The following SGCZ variants were observed in gnomAD, a reference collection of about 807,000 sequenced individuals.
SGCZ encodes zeta-sarcoglycan.
SGCZ carries 40 observed loss-of-function variants against 41.3 expected under a neutral mutation model. The ratio of observed to expected loss-of-function variants is 0.97; its 90% CI spans 0.75 to 1.26. SGCZ has a LOEUF of 1.26. Ranked by LOEUF, SGCZ falls within the 50% of genes most tolerant of loss-of-function variation. SGCZ has a pLI of 0.00. For missense variants in SGCZ, 552 were observed against 369.8 expected, an observed-to-expected ratio of 1.49 and a Z score of -4.04; for synonymous variants, 206 against 137.5, an observed-to-expected ratio of 1.50 and a Z score of -3.49.
intron 1 of SGCZ, among the ~76,000 whole-genome samples, chr8:14,703,244 C>T (rs974952989): frequency 6.6e-6 from 1 of 151,924 alleles, no homozygotes; most frequent in African/African-American, 2.4e-5. Flanking sequence ...TCTTTCTTGA[C>T]TTCATCTCTT....
At chr8:14,215,854 C>T (rs1349515369) in intron 4 of SGCZ, among the ~76,000 whole-genome samples, 1 of 152,180 alleles carries the variant, frequency 6.6e-6, no homozygotes, top group East Asian at 1.9e-4. Flanking sequence ...AAAGAAAATA[C>T]CTTGGCCCAG....
intron 1 of SGCZ, among the ~76,000 whole-genome samples, chr8:14,669,934 A>G (rs1284242662): frequency 6.6e-6 from 1 of 152,176 alleles, no homozygotes; most frequent in African/African-American, 2.4e-5. Context: ...CACTAAATAC[A>G]ATGTCCATGT....
Position 14,829,190 on chromosome 8 carries a change from C to G in SGCZ, c.40-274264G>C, listed in dbSNP as rs1217321346. On this transcript the variant is annotated intron_variant, in intron 1 of 7. Coordinates refer to ENST00000382080, the MANE Select transcript of SGCZ (RefSeq NM_139167.4). ...TTTATTTTTCTTGATCCTCTCCCTG[C>G]TTCCACCCCAACACTCTGATAGGCC... Among the ~76,000 whole-genome samples, 3 of 117,492 alleles carry G rather than the reference C, an allele frequency of 2.6e-5. 1 individual carries two copies. Among genetic ancestry groups the G allele is most frequent in the Non-Finnish European group, 4.9e-5 (3 of 61,054 alleles). 77.1% of individuals were successfully genotyped at this position (117,492 alleles called of 152,430 possible). A position where few individuals can be genotyped will look rare whatever the true frequency, so the allele number is the denominator to read the frequency against.
intron 2 of SGCZ, among the ~76,000 whole-genome samples, chr8:14,493,130 T>C (rs1801889379): frequency 6.6e-6 from 1 of 152,012 alleles, no homozygotes; most frequent in Admixed American, 6.6e-5. Context: ...TTGCTCTGTT[T>C]AAAAACTCCC....
chr8:14,499,274 T>G (rs971556596), intron 2 of SGCZ, among the ~76,000 whole-genome samples: 1 of 152,072 alleles, frequency 6.6e-6, no homozygotes, highest in Non-Finnish European at 1.5e-5. Context: ...TTTTCAAAAC[T>G]ATTACATTTT....
intron 3 of SGCZ, among the ~76,000 whole-genome samples, chr8:14,291,199 TAC>T (rs1800829480): frequency 6.6e-6 from 1 of 152,018 alleles, no homozygotes; most frequent in Admixed American, 6.6e-5. Flanking sequence ...GGCACAAAGC[TAC>T]AGTTAGGAGA....
intron 7 of SGCZ, 102 bp from the exon 8 acceptor site, chr8:14,090,739 A>C (rs940193487): frequency 3.0e-6 from 3 of 1,005,342 alleles, no homozygotes; most frequent in South Asian, 3.4e-5. Context: ...TCGACACAAC[A>C]AACAATTCCA....
At chr8:14,333,951 C>T (rs942720998) in intron 2 of SGCZ, among the ~76,000 whole-genome samples, 20 of 152,080 alleles carry the variant, frequency 1.3e-4, no homozygotes, top group African/African-American at 4.8e-4. Flanking sequence ...GACTTCCTAG[C>T]TAGTTTTAAA....
chr8:14,435,872 A>G (rs1302390629), intron 2 of SGCZ, among the ~76,000 whole-genome samples: 2 of 152,224 alleles, frequency 1.3e-5, no homozygotes, highest in Non-Finnish European at 2.9e-5. Flanking sequence ...GCTTCAGTTT[A>G]TTGTTATAAA....
At chr8:15,177,790 C>G (rs867964742) in intron 1 of SGCZ, among the ~76,000 whole-genome samples, 5 of 152,284 alleles carry the variant, frequency 3.3e-5, no homozygotes, top group East Asian at 1.9e-4. Flanking sequence ...TGGTTATTCT[C>G]TGAGACACCC....
At chr8:14,819,581 G>T (rs1467288431) in intron 1 of SGCZ, among the ~76,000 whole-genome samples, 1 of 152,084 alleles carries the variant, frequency 6.6e-6, no homozygotes, top group Non-Finnish European at 1.5e-5. Flanking sequence ...TTCAATCTTA[G>T]AACACCCTAG....
chr8:14,355,467 G>A (rs1803259135), intron 2 of SGCZ, among the ~76,000 whole-genome samples: 1 of 152,050 alleles, frequency 6.6e-6, no homozygotes, highest in Admixed American at 6.6e-5. Context: ...TGAGCTACAT[G>A]AAGACTTTTT....
intron 5 of SGCZ, among the ~76,000 whole-genome samples, chr8:14,139,608 G>T (rs1803304892): frequency 6.6e-6 from 1 of 151,986 alleles, no homozygotes; most frequent in Non-Finnish European, 1.5e-5. Context: ...ATGAATTCCT[G>T]GACACATACA....
intron 2 of SGCZ, among the ~76,000 whole-genome samples, chr8:14,391,498 A>G (rs17119239): frequency 0.074 from 11,268 of 152,142 alleles, 718 homozygotes; most frequent in African/African-American, 0.17. Context: ...CATAAGGACT[A>G]CTGATATTTT....
chr8:14,325,743 C>CAG (rs1802076922), intron 2 of SGCZ, among the ~76,000 whole-genome samples: 28 of 66,872 alleles, frequency 4.2e-4, no homozygotes, highest in African/African-American at 1.8e-3. Flanking sequence ...CACACACACA[C>CAG]ACACATATAT....
At chr8:14,286,522 C>T (rs544499126) in intron 3 of SGCZ, among the ~76,000 whole-genome samples, 45 of 152,124 alleles carry the variant, frequency 3.0e-4, no homozygotes, top group African/African-American at 1.0e-3. Context: ...AGGTTGTACC[C>T]GAGTTTAAAT....
chr8:14,914,381 C>G, intron 1 of SGCZ, among the ~76,000 whole-genome samples: 1 of 152,016 alleles, frequency 6.6e-6, no homozygotes, highest in East Asian at 1.9e-4. Flanking sequence ...ACAACTGTAG[C>G]TTTTTCTAAT....
At chr8:14,900,633 T>C (rs143869826) in intron 1 of SGCZ, among the ~76,000 whole-genome samples, 34 of 152,276 alleles carry the variant, frequency 2.2e-4, no homozygotes, top group African/African-American at 7.9e-4. Flanking sequence ...AGACCTGTCA[T>C]TATAGACTGA....
intron 1 of SGCZ, among the ~76,000 whole-genome samples, chr8:14,625,956 C>T (rs561796509): frequency 6.6e-6 from 1 of 152,232 alleles, no homozygotes; most frequent in Non-Finnish European, 1.5e-5. Context: ...TTAATTTAGA[C>T]AGCAAAGTTT....
Sources: allele counts gnomAD v4.1 joint callset (sites outside exome capture counted in the v4.1 genomes callset), GRCh38; gene constraint gnomAD v4.1.1; transcripts MANE v1.5; gene names NCBI Gene and HGNC (gene_info 2026-07-23, HGNC 2026-07-21).